NFIA: variants seen among roughly 807,000 people sequenced by gnomAD.
NFIA encodes nuclear factor I A.
A neutral mutation model predicts 62.8 loss-of-function variants in NFIA; 8 were observed. The ratio of observed to expected loss-of-function variants is 0.13; its 90% CI spans 0.07 to 0.23. NFIA has a LOEUF of 0.23. Among genes scored for constraint, NFIA ranks in the 10% least tolerant of loss-of-function variants. NFIA has a pLI of 1.00. For synonymous variants in NFIA, 235 were observed against 238.1 expected, an observed-to-expected ratio of 0.99 and a Z score of 0.12; for missense variants, 410 against 642.1, an observed-to-expected ratio of 0.64 and a Z score of 3.91.
chr1:61,382,702 A>G (rs1174901311), intron 6 of NFIA, among the ~76,000 whole-genome samples: 3 of 152,224 alleles, frequency 2.0e-5, no homozygotes, highest in East Asian at 3.9e-4. Context: ...GGCATTTAAG[A>G]TTTTTTTACT....
Position 61,456,042 on chromosome 1 carries a change from TA to T in NFIA, c.*729del, listed in dbSNP as rs1278610307. 1 of 152,416 alleles carries T rather than the reference TA, an allele frequency of 6.6e-6. No homozygotes were observed. Among genetic ancestry groups the T allele is most frequent in the African/African-American group, 2.4e-5 (1 of 41,384 alleles). 9.4% of individuals were successfully genotyped at this position (152,416 alleles called of 1,614,324 possible). A position where few individuals can be genotyped will look rare whatever the true frequency, so the allele number is the denominator to read the frequency against. On this transcript the variant is annotated 3_prime_UTR_variant, in exon 11 of 11. Coordinates refer to ENST00000403491, the MANE Select transcript of NFIA (RefSeq NM_001134673.4). ...AGTTTTGAAATGCTGCACTTACATT[TA>T]AAAAAACAACAACAACATTTTTTCA...
intron 9 of NFIA, among the ~76,000 whole-genome samples, chr1:61,425,338 C>T (rs1351284068): frequency 6.6e-6 from 1 of 152,116 alleles, no homozygotes; most frequent in African/African-American, 2.4e-5. Context: ...AAAAAAAAAT[C>T]TGGCAGGAAT....
At chr1:61,232,706 T>TA (rs1440414732) in intron 2 of NFIA, among the ~76,000 whole-genome samples, 1 of 152,162 alleles carries the variant, frequency 6.6e-6, no homozygotes, top group Non-Finnish European at 1.5e-5. Flanking sequence ...GAGTTTTTTT[T>TA]AAAAAACATC....
rs549743320 is a variant in NFIA, at chr1:61,151,094, T to A, written c.559+62414T>A. ...CTAACGAAGTGTCTTCTTTCCTTTA[T>A]CATGGCCATTGATAGCAAGAGCTTA... On this transcript the variant is annotated intron_variant, in intron 2 of 10. Transcript: ENST00000403491. 2.9e-4 allele frequency among the ~76,000 whole-genome samples: 44 copies of A among 152,356 alleles called. No homozygotes were observed. The South Asian group carries it at 7.9e-3, about 27-fold the overall frequency.
At chr1:61,376,559 A>G (rs1271660343) in intron 6 of NFIA, among the ~76,000 whole-genome samples, 1 of 152,230 alleles carries the variant, frequency 6.6e-6, no homozygotes, top group East Asian at 1.9e-4. Flanking sequence ...TAAGGCCAAG[A>G]GAAAACTTTG....
intron 2 of NFIA, among the ~76,000 whole-genome samples, chr1:61,222,015 CTG>C (rs1450158885): frequency 6.6e-6 from 1 of 152,040 alleles, no homozygotes; most frequent in Admixed American, 6.5e-5. Context: ...ACTCTGAACT[CTG>C]TACAACATTT....
chr1:61,230,046 A>G (rs556352071), intron 2 of NFIA, among the ~76,000 whole-genome samples: 1 of 152,320 alleles, frequency 6.6e-6, no homozygotes, highest in Non-Finnish European at 1.5e-5. Context: ...AACTATCTGA[A>G]AGGAAGAAAT....
chr1:61,092,486 A>G (rs1646337988), intron 2 of NFIA, among the ~76,000 whole-genome samples: 1 of 152,116 alleles, frequency 6.6e-6, no homozygotes, highest in African/African-American at 2.4e-5. Flanking sequence ...AGGAATAGCA[A>G]AGATCCTTTC....
intron 1 of NFIA, among the ~76,000 whole-genome samples, chr1:61,086,261 C>T (rs989106815): frequency 6.6e-6 from 1 of 151,996 alleles, no homozygotes. Context: ...TGTTTCAAAC[C>T]TAAAATTTAT....
chr1:61,095,871 A>T (rs1646402281), intron 2 of NFIA, among the ~76,000 whole-genome samples: 1 of 152,164 alleles, frequency 6.6e-6, no homozygotes, highest in Non-Finnish European at 1.5e-5. Context: ...TTTACTATGC[A>T]GATTTTTGTA....
At chr1:61,231,823 CAGAG>C (rs992117251) in intron 2 of NFIA, among the ~76,000 whole-genome samples, 7 of 151,658 alleles carry the variant, frequency 4.6e-5, no homozygotes, top group South Asian at 2.1e-4. Flanking sequence ...CTGGGTAACA[CAGAG>C]AGACCATGCC....
chr1:61,417,826 A>G (rs1362108463), intron 9 of NFIA, among the ~76,000 whole-genome samples: 1 of 152,102 alleles, frequency 6.6e-6, no homozygotes, highest in Admixed American at 6.6e-5. Context: ...TTCCCATCCT[A>G]TTTGCAAAGC....
At chr1:61,209,463 A>G (rs959211733) in intron 2 of NFIA, among the ~76,000 whole-genome samples, 1 of 152,152 alleles carries the variant, frequency 6.6e-6, no homozygotes, top group Non-Finnish European at 1.5e-5. Flanking sequence ...TACACATCAC[A>G]GTATGCAGAT....
intron 1 of NFIA, among the ~76,000 whole-genome samples, chr1:61,087,872 C>G (rs753893512): frequency 1.3e-5 from 2 of 152,110 alleles, no homozygotes; most frequent in Non-Finnish European, 2.9e-5. Flanking sequence ...GAGCTAGGCC[C>G]GACAGTAGTA....
intron 2 of NFIA, among the ~76,000 whole-genome samples, chr1:61,109,399 A>G (rs569391160): frequency 2.2e-4 from 33 of 152,032 alleles, no homozygotes; most frequent in African/African-American, 7.0e-4. Context: ...ATTCAGAGAT[A>G]CCACAATAAT....
intron 2 of NFIA, among the ~76,000 whole-genome samples, chr1:61,263,810 C>T (rs142984910): frequency 2.0e-5 from 3 of 152,162 alleles, no homozygotes; most frequent in Non-Finnish European, 2.9e-5. Context: ...GCCTGGCCAA[C>T]GTAGCCCTGT....
chr1:61,209,846 C>G (rs1364106280), intron 2 of NFIA, among the ~76,000 whole-genome samples: 1 of 151,734 alleles, frequency 6.6e-6, no homozygotes, highest in Non-Finnish European at 1.5e-5. Flanking sequence ...GAGCAAGACT[C>G]TGTCTCAAAA....
intron 2 of NFIA, among the ~76,000 whole-genome samples, chr1:61,101,719 T>C (rs1646514032): frequency 6.6e-6 from 1 of 152,166 alleles, no homozygotes; most frequent in African/African-American, 2.4e-5. Context: ...ACTTTTACGC[T>C]GAAGTGGATT....
intron 6 of NFIA, among the ~76,000 whole-genome samples, chr1:61,381,558 A>G (rs1248199176): frequency 1.3e-5 from 2 of 152,204 alleles, no homozygotes; most frequent in Non-Finnish European, 2.9e-5. Flanking sequence ...ATGAAATCAC[A>G]TACCACTCTA....
Sources: gnomAD v4.1 joint callset for allele counts (sites outside exome capture counted in the v4.1 genomes callset) on GRCh38, gnomAD v4.1.1 for gene constraint, MANE v1.5 for transcripts, NCBI Gene and HGNC (gene_info 2026-07-23, HGNC 2026-07-21) for gene names.